The following TRAM1 variants were observed in gnomAD, a reference collection of about 807,000 sequenced individuals.
TRAM1 encodes translocating chain-associated membrane protein 1.
In TRAM1, 17 loss-of-function variants were observed where a neutral mutation model predicts 48.7. The ratio of observed to expected loss-of-function variants is 0.35; its 90% CI spans 0.24 to 0.52. The LOEUF is 0.52. TRAM1 is among the 20% of genes least tolerant of loss of function. TRAM1 has a pLI of 0.94. For synonymous variants in TRAM1, 182 were observed against 154.0 expected, an observed-to-expected ratio of 1.18 and a Z score of -1.34; for missense variants, 351 against 441.5, an observed-to-expected ratio of 0.79 and a Z score of 1.84.
chr8:70,601,200 C>T (rs1348425729), intron 1 of TRAM1, among the ~76,000 whole-genome samples: 1 of 152,104 alleles, frequency 6.6e-6, no homozygotes, highest in East Asian at 1.9e-4. Flanking sequence ...ACATCCCCCT[C>T]CCTACCTGCT....
intron 6 of TRAM1, among the ~76,000 whole-genome samples, chr8:70,591,637 C>A (rs1387966934): frequency 6.6e-6 from 1 of 152,098 alleles, no homozygotes; most frequent in South Asian, 2.1e-4. Flanking sequence ...CATTTCTTGA[C>A]TACTCTATAC....
chr8:70,594,616 T>C (rs778629385), intron 5 of TRAM1, 26 bp from the exon 6 acceptor site: 10 of 1,538,182 alleles, frequency 6.5e-6, no homozygotes, highest in Middle Eastern at 1.8e-4. Flanking sequence ...AAATGAAGAG[T>C]ACCTTTTAAA....
chr8:70,606,831 T>TAAA, intron 1 of TRAM1: 1 of 763,464 alleles, frequency 1.3e-6, no homozygotes, highest in Non-Finnish European at 1.6e-6. Flanking sequence ...ATTTTAAAAT[T>TAAA]AAAAAAAAAA....
At chr8:70,601,088 C>G (rs564308983) in intron 1 of TRAM1, among the ~76,000 whole-genome samples, 1 of 152,216 alleles carries the variant, frequency 6.6e-6, no homozygotes, top group African/African-American at 2.4e-5. Context: ...TCATTTATGC[C>G]TTTTAGAAGG....
chr8:70,599,922 C>G, intron 2 of TRAM1, 97 bp downstream of exon 2: 1 of 865,014 alleles, frequency 1.2e-6, no homozygotes, highest in Non-Finnish European at 1.9e-6. Flanking sequence ...AGATCTCTGA[C>G]GATTAATTAA....
chr8:70,579,365 T>C (rs112819627), intron 10 of TRAM1, among the ~76,000 whole-genome samples: 130 of 152,352 alleles, frequency 8.5e-4, no homozygotes, highest in African/African-American at 2.8e-3. Context: ...CATTATCTTA[T>C]AGGACCAGTG....
chr8:70,585,946 T>A (rs1240436055), intron 8 of TRAM1, among the ~76,000 whole-genome samples: 1 of 150,324 alleles, frequency 6.7e-6, no homozygotes, highest in East Asian at 2.0e-4. Context: ...GGATTATAAA[T>A]CATGCTGCTA....
chr8:70,598,363 G>A, intron 2 of TRAM1, 108 bp from the exon 3 acceptor site: 2 of 1,119,382 alleles, frequency 1.8e-6, no homozygotes, highest in South Asian at 2.2e-5. Flanking sequence ...TAATAAAAAA[G>A]TTCTATATTA....
intron 1 of TRAM1, among the ~76,000 whole-genome samples, chr8:70,603,892 A>G (rs1817663441): frequency 6.6e-6 from 1 of 152,226 alleles, no homozygotes; most frequent in Admixed American, 6.5e-5. Flanking sequence ...GGAAAAATGT[A>G]AACTACACAC....
chr8:70,607,942 C>A, intron 1 of TRAM1, 135 bp downstream of exon 1: 7 of 1,154,728 alleles, frequency 6.1e-6, no homozygotes, highest in Non-Finnish European at 8.0e-6. Flanking sequence ...GCCTGCACCT[C>A]AGGGACTGGG....
chr8:70,584,278 T>A (rs1383090067), intron 8 of TRAM1, among the ~76,000 whole-genome samples: 4 of 152,218 alleles, frequency 2.6e-5, no homozygotes, highest in Admixed American at 6.5e-5. Flanking sequence ...GTATTCAGAA[T>A]AATTTTGGAA....
chr8:70,599,769 A>G (rs992336222), intron 2 of TRAM1, among the ~76,000 whole-genome samples: 5 of 152,260 alleles, frequency 3.3e-5, no homozygotes, highest in African/African-American at 1.2e-4. Context: ...CAGAGAAAGC[A>G]AAACAAAATT....
At position 70,608,302 on chromosome 8, in the gene TRAM1, C is replaced by T. The variant is rs1490702047; in HGVS notation, c.-103G>A. The T allele has an allele frequency of 6.4e-6, 9 of 1,414,522 alleles. No homozygotes were observed. The highest frequency in any genetic ancestry group is 2.9e-5 in the South Asian group (2 of 70,146). 87.6% of individuals were successfully genotyped at this position (1,414,522 alleles called of 1,614,324 possible). ...CTCCCGCTGGCTGCTCCTCACGGCC[C>T]CGCTGCAGCCGCTCGCTGGGGCTTC... On this transcript the variant is annotated 5_prime_UTR_variant, in exon 1 of 11. Transcript: ENST00000262213.
chr8:70,604,002 C>A (rs74963324), intron 1 of TRAM1, among the ~76,000 whole-genome samples: 2,267 of 152,194 alleles, frequency 0.015, 49 homozygotes, highest in African/African-American at 0.052. Flanking sequence ...TAAACTCACA[C>A]CACAATTAAT....
chr8:70,576,112 C>A (rs1287931353), intron 10 of TRAM1, among the ~76,000 whole-genome samples: 1 of 148,132 alleles, frequency 6.8e-6, no homozygotes, highest in Non-Finnish European at 1.5e-5. Flanking sequence ...AAAAAAAAAC[C>A]CCAAAACAAA....
At chr8:70,577,294 G>A (rs913877907) in intron 10 of TRAM1, among the ~76,000 whole-genome samples, 1 of 152,198 alleles carries the variant, frequency 6.6e-6, no homozygotes, top group East Asian at 1.9e-4. Flanking sequence ...AGGTTCCTGG[G>A]CAGAAAGGGG....
At chr8:70,590,578 A>G (rs1817331891) in intron 6 of TRAM1, among the ~76,000 whole-genome samples, 1 of 152,202 alleles carries the variant, frequency 6.6e-6, no homozygotes, top group Admixed American at 6.5e-5. Context: ...GCTGCACTGT[A>G]GCCTCCAACT....
intron 5 of TRAM1, among the ~76,000 whole-genome samples, chr8:70,595,159 C>T (rs934312303): frequency 7.2e-5 from 11 of 151,754 alleles, no homozygotes; most frequent in Non-Finnish European, 5.9e-5. Context: ...CACAAGGGCT[C>T]TCCAGGAGCT....
Position 70,603,630 on chromosome 8 carries a change from T to A in TRAM1, c.124-3548A>T, listed in dbSNP as rs577583153. Among the ~76,000 whole-genome samples, 10 of 152,240 alleles carry A rather than the reference T, an allele frequency of 6.6e-5. No homozygotes were observed. The East Asian group carries it at 1.7e-3, about 26-fold the overall frequency. ...TACTCAGGATGCTGAGGCAGGAGAATCACTTGAACCCAGGAGGCGGAGGGT... is the reference window on the plus strand; with the variant it reads ...TACTCAGGATGCTGAGGCAGGAGAAACACTTGAACCCAGGAGGCGGAGGGT... On this transcript the variant is annotated intron_variant, in intron 1 of 10. Transcript: ENST00000262213.
Sources: allele counts gnomAD v4.1 joint callset (sites outside exome capture counted in the v4.1 genomes callset), GRCh38; gene constraint gnomAD v4.1.1; transcripts MANE v1.5; gene names NCBI Gene and HGNC (gene_info 2026-07-23, HGNC 2026-07-21).